Variants in ADGRL3 observed in about 807,000 individuals in gnomAD.
ADGRL3 encodes calcium-independent alpha-latrotoxin receptor 3.
Under a neutral mutation model 153.5 loss-of-function variants are expected in ADGRL3, and 62 were observed. The ratio of observed to expected loss-of-function variants is 0.40; its 90% CI spans 0.33 to 0.50. The LOEUF (loss-of-function observed/expected upper bound fraction) is 0.50, where lower values mean the gene tolerates loss of function less well. Ranked by LOEUF, ADGRL3 falls within the 20% of genes least tolerant of loss-of-function variation. The pLI, the probability that ADGRL3 is intolerant of heterozygous loss-of-function variation, is 0.47. For missense variants in ADGRL3, 1,641 were observed against 1,859.4 expected (o/e 0.88, Z 2.16); for synonymous variants, 710 against 672.5 (o/e 1.06, Z -0.86).
rs533380290 is a variant in ADGRL3 at position 61,451,426 on chromosome 4, G to A, written c.-173-45695G>A. ...GGGTAATAAAAAACTCACCAAGGCT[G>A]TACAACCAACCACTGTGTTGAATGC... On this transcript the variant is annotated intron_variant, in intron 2 of 26. Coordinates refer to ENST00000683033, the MANE Select transcript of ADGRL3 (RefSeq NM_001387552.1). Among the ~76,000 whole-genome samples the A allele has an allele frequency of 2.0e-5, 3 of 152,230 alleles. No individual in the cohort carries two copies. In the South Asian group the frequency reaches 6.2e-4, roughly 32 times the overall value.
intron 23 of ADGRL3, among the ~76,000 whole-genome samples, chr4:62,031,863 A>T (rs1722233745): frequency 6.6e-6 from 1 of 151,188 alleles, no homozygotes; most frequent in African/African-American, 2.4e-5. Flanking sequence ...TATAGATTTG[A>T]CTTTATAGTC....
At chr4:61,847,444 T>G (rs1185803744) in intron 9 of ADGRL3, among the ~76,000 whole-genome samples, 1 of 149,344 alleles carries the variant, frequency 6.7e-6, no homozygotes, top group Admixed American at 6.9e-5. Context: ...AAAAAATGTC[T>G]GCAAACCTAA....
chr4:61,320,692 G>A (rs1116862), intron 1 of ADGRL3, among the ~76,000 whole-genome samples: 73,775 of 152,052 alleles, frequency 0.49, 19,978 homozygotes, highest in East Asian at 0.71. Flanking sequence ...TACCTTTACA[G>A]CAACATCTAC....
intron 5 of ADGRL3, among the ~76,000 whole-genome samples, chr4:61,595,956 A>G (rs768435182): frequency 6.6e-6 from 1 of 151,986 alleles, no homozygotes. Flanking sequence ...ATTCAATGTA[A>G]AGTTTCTCAG....
intron 9 of ADGRL3, among the ~76,000 whole-genome samples, chr4:61,886,097 T>C (rs748855110): frequency 2.6e-5 from 4 of 152,216 alleles, no homozygotes; most frequent in Non-Finnish European, 5.9e-5. Context: ...TGCTTTCATA[T>C]TGCTGATAGT....
chr4:61,527,663 G>A (rs1285481597), intron 4 of ADGRL3, among the ~76,000 whole-genome samples: 1 of 152,144 alleles, frequency 6.6e-6, no homozygotes, highest in Non-Finnish European at 1.5e-5. Context: ...AGATGTTGAT[G>A]TAAATTAAAA....
intron 5 of ADGRL3, among the ~76,000 whole-genome samples, chr4:61,674,634 T>A (rs2095125341): frequency 6.6e-6 from 1 of 151,908 alleles, no homozygotes; most frequent in Non-Finnish European, 1.5e-5. Flanking sequence ...ACTTTGAATG[T>A]GTTCCTGATA....
At chr4:61,262,124 T>TTATAATA (rs1272142272) in intron 1 of ADGRL3, among the ~76,000 whole-genome samples, 2 of 152,220 alleles carry the variant, frequency 1.3e-5, no homozygotes, top group Non-Finnish European at 2.9e-5. Flanking sequence ...TCATCTTTGC[T>TTATAATA]ATGCTCACGT....
chr4:61,228,535 A>T (rs1749017383), intron 1 of ADGRL3, among the ~76,000 whole-genome samples: 2 of 152,144 alleles, frequency 1.3e-5, no homozygotes, highest in Admixed American at 1.3e-4. Flanking sequence ...GGAAGTGCTA[A>T]AATGTAAATG....
At chr4:61,913,019 C>T (rs1460914659) in intron 13 of ADGRL3, among the ~76,000 whole-genome samples, 1 of 152,052 alleles carries the variant, frequency 6.6e-6, no homozygotes, top group Non-Finnish European at 1.5e-5. Flanking sequence ...TGGGTATAAT[C>T]TATAAAATCC....
chr4:61,856,096 A>G (rs900053697), intron 9 of ADGRL3, among the ~76,000 whole-genome samples: 1 of 152,146 alleles, frequency 6.6e-6, no homozygotes, highest in African/African-American at 2.4e-5. Context: ...GGCCAAGGAC[A>G]GTGGCTCACA....
chr4:62,044,283 A>G (rs1729923112), intron 24 of ADGRL3, among the ~76,000 whole-genome samples, 170 bp from the exon 25 acceptor site: 1 of 152,018 alleles, frequency 6.6e-6, no homozygotes, highest in African/African-American at 2.4e-5. Context: ...ATTATCATGA[A>G]AGTTATTTCT....
intron 8 of ADGRL3, among the ~76,000 whole-genome samples, chr4:61,773,241 G>A (rs886291050): frequency 3.3e-5 from 5 of 152,100 alleles, no homozygotes; most frequent in African/African-American, 4.8e-5. Flanking sequence ...TTAAGCCCTG[G>A]ACAACATGAA....
At chr4:61,876,989 C>G (rs2149446485) in intron 9 of ADGRL3, among the ~76,000 whole-genome samples, 1 of 151,032 alleles carries the variant, frequency 6.6e-6, no homozygotes, top group South Asian at 2.1e-4. Flanking sequence ...GGAAATAAAC[C>G]CAGGATGATT....
At chr4:61,578,950 G>T (rs1277019363) in intron 4 of ADGRL3, among the ~76,000 whole-genome samples, 1 of 152,062 alleles carries the variant, frequency 6.6e-6, no homozygotes, top group Non-Finnish European at 1.5e-5. Context: ...TGGGTCATCG[G>T]CCTATCTCTT....
intron 17 of ADGRL3, among the ~76,000 whole-genome samples, chr4:61,968,481 C>T (rs1238971142): frequency 3.3e-5 from 5 of 152,154 alleles, no homozygotes. Context: ...CAAAGAGAAA[C>T]ATTCCTTTTG....
rs529970930 is a variant in ADGRL3, at chr4:61,917,480, T to TAA, written c.2112+4724_2112+4725dup. On this transcript the variant is annotated intron_variant, in intron 13 of 26. Transcript: ENST00000683033. ...GACTCTGATGAAAAAGTTACCATCT[T>TAA]AAGAGAATAAAAAACCAGCAGAAAG... Among the ~76,000 whole-genome samples, 21 of 152,290 alleles carry TAA rather than the reference T, an allele frequency of 1.4e-4. No individual in the cohort carries two copies. In the East Asian group the frequency reaches 2.3e-3, roughly 17 times the overall value.
intron 4 of ADGRL3, among the ~76,000 whole-genome samples, chr4:61,551,968 C>T (rs1553961614): frequency 6.6e-6 from 1 of 152,070 alleles, no homozygotes; most frequent in South Asian, 2.1e-4. Context: ...TGCAACTTTG[C>T]CCAAAATGTA....
intron 4 of ADGRL3, among the ~76,000 whole-genome samples, chr4:61,530,974 A>T (rs548703098): frequency 6.6e-6 from 1 of 152,130 alleles, no homozygotes; most frequent in Non-Finnish European, 1.5e-5. Context: ...TTTATCATAT[A>T]TTTGCCAGAG....
Sources: allele counts gnomAD v4.1 joint callset (sites outside exome capture counted in the v4.1 genomes callset), GRCh38; gene constraint gnomAD v4.1.1; transcripts MANE v1.5; gene names NCBI Gene and HGNC (gene_info 2026-07-23, HGNC 2026-07-21).